Variants in INPP4B observed in about 807,000 individuals in gnomAD.
INPP4B encodes the protein inositol polyphosphate 4-phosphatase type II.
In INPP4B, 55 loss-of-function variants were observed where a neutral mutation model predicts 122.5. That is an observed-to-expected ratio of 0.45 (90% CI 0.36 to 0.56). The LOEUF (loss-of-function observed/expected upper bound fraction) is 0.56, where lower values mean the gene tolerates loss of function less well. INPP4B is among the 20% of genes least tolerant of loss of function. INPP4B has a pLI of 0.00. For missense variants in INPP4B, 1,000 were observed against 1,097.7 expected, an observed-to-expected ratio of 0.91 and a Z score of 1.26; for synonymous variants, 403 against 388.7, an observed-to-expected ratio of 1.04 and a Z score of -0.43.
At chr4:142,483,428 G>C (rs1209171481) in intron 2 of INPP4B, among the ~76,000 whole-genome samples, 1 of 151,986 alleles carries the variant, frequency 6.6e-6, no homozygotes, top group Non-Finnish European at 1.5e-5. Context: ...AACTCTCTGT[G>C]AGTGGATATT....
intron 25 of INPP4B, among the ~76,000 whole-genome samples, chr4:142,038,689 T>C (rs1745460100): frequency 1.3e-5 from 2 of 152,108 alleles, no homozygotes; most frequent in Non-Finnish European, 2.9e-5. Flanking sequence ...GAAAAATCCA[T>C]TGCACTGGAG....
chr4:142,259,549 T>C (rs1738576990), intron 11 of INPP4B, among the ~76,000 whole-genome samples: 2 of 150,032 alleles, frequency 1.3e-5, no homozygotes, highest in Non-Finnish European at 3.0e-5. Flanking sequence ...TTATAAATTG[T>C]TTATATTGTT....
intron 10 of INPP4B, among the ~76,000 whole-genome samples, chr4:142,269,516 A>G (rs1744712435): frequency 6.6e-6 from 1 of 152,176 alleles, no homozygotes; most frequent in African/African-American, 2.4e-5. Flanking sequence ...AAAAGATTCA[A>G]ACTCATAGAA....
At chr4:142,147,723 A>G (rs1811548162) in intron 17 of INPP4B, among the ~76,000 whole-genome samples, 2 of 152,228 alleles carry the variant, frequency 1.3e-5, no homozygotes, top group South Asian at 4.1e-4. Flanking sequence ...GAAGTACTCT[A>G]TTAACCACAA....
At chr4:142,235,551 A>G (rs1554013150) in intron 12 of INPP4B, among the ~76,000 whole-genome samples, 1 of 152,068 alleles carries the variant, frequency 6.6e-6, no homozygotes, top group Non-Finnish European at 1.5e-5. Flanking sequence ...CCTCCCGAGT[A>G]GCTGGGACTA....
intron 2 of INPP4B, among the ~76,000 whole-genome samples, chr4:142,633,412 G>T (rs868349021): frequency 6.6e-6 from 1 of 152,082 alleles, no homozygotes; most frequent in Admixed American, 6.6e-5. Context: ...AATATAGAGC[G>T]CTTTTCCCAA....
chr4:142,059,843 T>C (rs1759654844), intron 25 of INPP4B, among the ~76,000 whole-genome samples: 2 of 152,126 alleles, frequency 1.3e-5, no homozygotes, highest in African/African-American at 4.8e-5. Context: ...AATTCTGTAC[T>C]CTGGGTGGAT....
intron 2 of INPP4B, among the ~76,000 whole-genome samples, chr4:142,507,356 T>C (rs796441390): frequency 1.3e-5 from 2 of 152,300 alleles, no homozygotes; most frequent in African/African-American, 4.8e-5. Context: ...AACTTTGTTG[T>C]ATCTGCTGTG....
At chr4:142,733,882 A>G (rs915988502) in intron 1 of INPP4B, among the ~76,000 whole-genome samples, 1 of 152,224 alleles carries the variant, frequency 6.6e-6, no homozygotes, top group Non-Finnish European at 1.5e-5. Context: ...AAATTAAGAT[A>G]TATTCATACA....
chr4:142,764,224 G>A (rs1180035356), intron 1 of INPP4B, among the ~76,000 whole-genome samples: 2 of 152,030 alleles, frequency 1.3e-5, no homozygotes, highest in African/African-American at 2.4e-5. Flanking sequence ...TACTTCGTAA[G>A]TAAAAACTCA....
At chr4:142,095,743 G>A (rs1312357372) in intron 23 of INPP4B, among the ~76,000 whole-genome samples, 2 of 152,126 alleles carry the variant, frequency 1.3e-5, no homozygotes, top group East Asian at 1.9e-4. Flanking sequence ...GAGAAGGAGA[G>A]AGGCTATTGG....
intron 1 of INPP4B, among the ~76,000 whole-genome samples, chr4:142,811,062 C>A (rs1236757071): frequency 1.3e-5 from 2 of 152,192 alleles, no homozygotes; most frequent in African/African-American, 4.8e-5. Flanking sequence ...TACTTTCAAT[C>A]CAGTTGTTAA....
chr4:142,363,249 A>G (rs1369770401), intron 7 of INPP4B, among the ~76,000 whole-genome samples: 2 of 151,972 alleles, frequency 1.3e-5, no homozygotes, highest in Non-Finnish European at 2.9e-5. Flanking sequence ...TGAATAGCCT[A>G]TTTCATTTAT....
At chr4:142,360,340 T>C (rs779743859) in intron 7 of INPP4B, among the ~76,000 whole-genome samples, 7 of 151,940 alleles carry the variant, frequency 4.6e-5, no homozygotes, top group Admixed American at 1.3e-4. Context: ...CATTATTTAG[T>C]ACTTTGTTTT....
rs1554048511 is a variant in INPP4B at position 142,398,445 on chromosome 4, T to TAA, written c.372+4491_372+4492dup. ...ATATATATATATATATATATATATA[T>TAA]AAAACATATTAAACATAGTGCTTGG... is the stretch of plus-strand genomic sequence containing the variant. On this transcript the variant is annotated intron_variant, in intron 7 of 25. Transcript: ENST00000262992. Among the ~76,000 whole-genome samples, 79 of 74,534 alleles carry TAA rather than the reference T, an allele frequency of 1.1e-3. 1 individual carries two copies. Among genetic ancestry groups the TAA allele is most frequent in the African/African-American group, 4.6e-3 (63 of 13,818 alleles). The allele number at this position is 74,534 out of a possible 152,430, so 48.9% of individuals were successfully genotyped here. A position where few individuals can be genotyped will look rare whatever the true frequency, so the allele number is the denominator to read the frequency against.
chr4:142,218,092 C>T (rs1277822926), intron 12 of INPP4B, among the ~76,000 whole-genome samples: 2 of 151,926 alleles, frequency 1.3e-5, no homozygotes, highest in Admixed American at 1.3e-4. Context: ...AACCCTGACC[C>T]ATACACTAAC....
chr4:142,656,750 G>A (rs762388473), intron 2 of INPP4B, among the ~76,000 whole-genome samples: 1 of 152,122 alleles, frequency 6.6e-6, no homozygotes, highest in Non-Finnish European at 1.5e-5. Flanking sequence ...CTGCTTTTTT[G>A]TTCTTTCTCC....
At chr4:142,578,783 TAATACA>T (rs1734393276) in intron 2 of INPP4B, among the ~76,000 whole-genome samples, 1 of 152,014 alleles carries the variant, frequency 6.6e-6, no homozygotes, top group South Asian at 2.1e-4. Context: ...CCTTTAGAAA[TAATACA>T]ACACGAATGA....
intron 2 of INPP4B, among the ~76,000 whole-genome samples, chr4:142,519,325 C>T (rs1474389499): frequency 6.6e-6 from 1 of 152,134 alleles, no homozygotes; most frequent in Non-Finnish European, 1.5e-5. Flanking sequence ...CATGTTTAAT[C>T]TTCATTAATA....
Sources: allele counts gnomAD v4.1 joint callset (sites outside exome capture counted in the v4.1 genomes callset), GRCh38; gene constraint gnomAD v4.1.1; transcripts MANE v1.5; gene names NCBI Gene and HGNC (gene_info 2026-07-23, HGNC 2026-07-21).